The following CACNA1S variants were observed in gnomAD, a reference collection of about 807,000 sequenced individuals.
The protein encoded by CACNA1S is voltage-dependent L-type calcium channel subunit alpha-1S.
A neutral mutation model predicts 207.4 loss-of-function variants in CACNA1S; 126 were observed. That is an observed-to-expected ratio of 0.61 (90% CI 0.53 to 0.70). The LOEUF (loss-of-function observed/expected upper bound fraction) is 0.70, where lower values mean the gene tolerates loss of function less well. Among genes scored for constraint, CACNA1S ranks in the 30% least tolerant of loss-of-function variants. The pLI is 0.00. For missense variants in CACNA1S, 2,349 were observed against 2,422.8 expected (o/e 0.97, Z 0.64); for synonymous variants, 960 against 932.7 (o/e 1.03, Z -0.53).
chr1:201,111,420 C>G (rs1415827523), intron 1 of CACNA1S, among the ~76,000 whole-genome samples: 1 of 152,018 alleles, frequency 6.6e-6, no homozygotes, highest in Non-Finnish European at 1.5e-5. Context: ...CCCCAAATAA[C>G]CCAGATATTT....
intron 3 of CACNA1S, among the ~76,000 whole-genome samples, chr1:201,093,485 G>A (rs1293805785): frequency 1.3e-5 from 2 of 152,176 alleles, no homozygotes; most frequent in Admixed American, 6.5e-5. Context: ...ATAAATGTCC[G>A]TTTTTGTGAA....
At chr1:201,063,963 T>C (rs547721895) in intron 22 of CACNA1S, among the ~76,000 whole-genome samples, 46 of 152,294 alleles carry the variant, frequency 3.0e-4, no homozygotes, top group Middle Eastern at 6.8e-3. Flanking sequence ...AAAAGCGACA[T>C]CAAATGCCAA....
intron 15 of CACNA1S, 52 bp from the exon 16 acceptor site, chr1:201,072,876 C>A (rs1334629754): frequency 1.4e-6 from 2 of 1,410,380 alleles, no homozygotes; most frequent in Admixed American, 3.4e-5. Flanking sequence ...TTGCGGTTTC[C>A]CCTCAATGAG....
chr1:201,066,962 C>T lies in CACNA1S; in HGVS notation c.2582G>A (p.Gly861Asp). The change falls in exon 20 of 44, where the codon GGT becomes GAT. Residue 861 changes from glycine (G) to aspartate (D), a missense_variant. Coordinates refer to ENST00000362061, the MANE Select transcript of CACNA1S (RefSeq NM_000069.3). This position sits in a 1 kb window ranked among gnomAD's most constrained non-coding sequence, Gnocchi z 4.3. ...MTTYGAFLHK[G>D]SFCRNYFNML... is the part of the protein sequence containing the mutation. The stretch of plus-strand genomic sequence containing the variant: ...GTTGAAGTAATTGCGGCAGAAGGAA[C>T]CCTTGTGCAGGAAGGCTCCGTAGGT... The T allele has an allele frequency of 1.2e-6, 2 of 1,614,072 alleles. No homozygotes were observed. Among genetic ancestry groups the T allele is most frequent in the Non-Finnish European group, 1.7e-6 (2 of 1,179,888 alleles).
rs768948072 is a variant in CACNA1S at position 201,059,170 on chromosome 1, C to G, written c.3525+19G>C. 1.6e-5 allele frequency: 25 copies of G among 1,519,884 alleles called. No individual in the cohort carries two copies. Among genetic ancestry groups the G allele is most frequent in the Non-Finnish European group, 2.1e-5 (23 of 1,094,646 alleles). 94.1% of individuals were successfully genotyped at this position (1,519,884 alleles called of 1,614,324 possible). A position where few individuals can be genotyped will look rare whatever the true frequency, so the allele number is the denominator to read the frequency against. On this transcript the variant is annotated intron_variant, in intron 27 of 43. Transcript: ENST00000362061. ...ACCAGCCCCAGCTTCTCATCTGGCCCGGTGGCCCCCACACTCACCCTGGCC... is the reference window on the plus strand; with the variant it reads ...ACCAGCCCCAGCTTCTCATCTGGCCGGGTGGCCCCCACACTCACCCTGGCC...
At chr1:201,112,068 C>T (rs1269309468) in intron 1 of CACNA1S, 120 bp downstream of exon 1, 2 of 950,828 alleles carry the variant, frequency 2.1e-6, no homozygotes, top group East Asian at 2.6e-5. Flanking sequence ...TGTGAGTTCA[C>T]CCCATGTCTA....
intron 22 of CACNA1S, among the ~76,000 whole-genome samples, chr1:201,063,270 T>A (rs1661133470): frequency 6.6e-6 from 1 of 151,900 alleles, no homozygotes; most frequent in Non-Finnish European, 1.5e-5. Context: ...CTGAGCAACA[T>A]GTTTGAAGGA....
In CACNA1S at chr1:201,053,967, G is replaced by A. The variant is rs1162320350; in HGVS notation, c.3667-380C>T. ...TCGAGGACCCTGGTGGCCCTCCTAG[G>A]GCTCCTCCCCTGGCGTCCTCCCAGT... On this transcript the variant is annotated intron_variant, in intron 29 of 43. Coordinates refer to ENST00000362061, the MANE Select transcript of CACNA1S (RefSeq NM_000069.3). The surrounding 1 kb of genome is among the most constrained non-coding windows in gnomAD (Gnocchi z 5.1). Among the ~76,000 whole-genome samples the A allele has an allele frequency of 2.6e-5, 4 of 152,066 alleles. No homozygotes were observed. The East Asian group carries it at 7.7e-4, about 29-fold the overall frequency.
At position 201,078,106 on chromosome 1, in the gene CACNA1S, T is replaced by C. The variant is rs999219368; in HGVS notation, c.1394-2A>G. On this transcript the variant is annotated splice_acceptor_variant, in intron 10 of 43. Transcript: ENST00000362061. LOFTEE classifies it high-confidence loss of function. ...ACAGCAGCACCCGGTTGGCAATGTC[T>C]GTAGGGTTGGTGGCACAGCCCCGGC... 1 of 1,612,104 alleles carries C rather than the reference T, an allele frequency of 6.2e-7. No homozygotes were observed. The highest frequency in any genetic ancestry group is 1.3e-5 in the African/African-American group (1 of 74,888).
At chr1:201,086,211 G>C (rs751435079) in intron 7 of CACNA1S, among the ~76,000 whole-genome samples, 7 of 152,254 alleles carry the variant, frequency 4.6e-5, no homozygotes, top group Non-Finnish European at 1.0e-4. Context: ...AGGGCAGGTC[G>C]AGTTGCCCTG....
chr1:201,048,137 A>T (rs1321072116), intron 36 of CACNA1S, among the ~76,000 whole-genome samples: 2 of 152,172 alleles, frequency 1.3e-5, no homozygotes, highest in African/African-American at 4.8e-5. Flanking sequence ...GGGCTCAGAG[A>T]CAATACTGAG....
intron 6 of CACNA1S, 113 bp downstream of exon 6, chr1:201,089,145 T>C: frequency 1.1e-6 from 1 of 936,106 alleles, no homozygotes; most frequent in East Asian, 2.6e-5. Flanking sequence ...GGAGCTGTGG[T>C]CACGCAAGTC....
chr1:201,044,133 A>G (rs1660390184), intron 39 of CACNA1S, among the ~76,000 whole-genome samples, 195 bp downstream of exon 39: 1 of 151,100 alleles, frequency 6.6e-6, no homozygotes, highest in South Asian at 2.1e-4. Context: ...AGTGTGTTGC[A>G]TTTGACACCT....
rs145910245 is a variant in CACNA1S, at chr1:201,051,037, T to G, written c.4060A>C (p.Thr1354Pro). ...ATGAAGTAGTAGTATGCAAAGTTGG[T>G]GCCACATGTGTACTCCTCCCCTGGG... ...YAPGEEYTCG[T>P]NFAYYYFISF... Residue 1354 changes from threonine to proline, a missense_variant, in exon 33 of 44, where the codon ACC becomes CCC. Physicochemically the swap from Thr to Pro is conservative, Grantham distance 38. Transcript: ENST00000362061. The G allele has an allele frequency of 2.5e-6, 4 of 1,614,234 alleles. No homozygotes were observed. The Admixed American group carries it at 6.7e-5, about 27-fold the overall frequency.
intron 38 of CACNA1S, among the ~76,000 whole-genome samples, chr1:201,046,695 G>A (rs1489193526): frequency 1.3e-5 from 2 of 150,982 alleles, no homozygotes; most frequent in African/African-American, 4.9e-5. Context: ...CGCCACACCT[G>A]ACTAATTTTT....
chr1:201,112,390 C>T lies in CACNA1S; in HGVS notation c.-51G>A, dbSNP rs1357150405. ...CCTGCTCCCCCACCCCAGTGCTTTCCCTTCCCTGTGTCCCCAATGCCCCCG... is the reference window on the plus strand; with the variant it reads ...CCTGCTCCCCCACCCCAGTGCTTTCTCTTCCCTGTGTCCCCAATGCCCCCG... On this transcript the variant is annotated 5_prime_UTR_variant, in exon 1 of 44. Transcript: ENST00000362061. The T allele has an allele frequency of 1.2e-6, 2 of 1,612,480 alleles. No individual in the cohort carries two copies. The highest frequency in any genetic ancestry group is 3.3e-5 in the Admixed American group (2 of 60,012).
intron 39 of CACNA1S, among the ~76,000 whole-genome samples, chr1:201,043,876 T>C (rs1281524392): frequency 1.3e-5 from 2 of 151,932 alleles, no homozygotes; most frequent in Non-Finnish European, 2.9e-5. Flanking sequence ...ATTGGACATC[T>C]CACATGATCT....
Position 201,039,531 on chromosome 1 carries a change from G to A in CACNA1S, c.*300C>T. 1 of 504,040 alleles carries A rather than the reference G, an allele frequency of 2.0e-6. No individual in the cohort carries two copies. The highest frequency in any genetic ancestry group is 3.6e-6 in the Non-Finnish European group (1 of 277,602). 31.2% of individuals were successfully genotyped at this position (504,040 alleles called of 1,614,324 possible). On this transcript the variant is annotated 3_prime_UTR_variant, in exon 44 of 44. Transcript: ENST00000362061. ...GGCCAGTTGCCAGTGTCACAGGCCT[G>A]GAGATTTTAATGTCCTGCAGGTGGG...
intron 28 of CACNA1S, 68 bp from the exon 29 acceptor site, chr1:201,054,629 G>T: frequency 7.4e-7 from 1 of 1,343,864 alleles, no homozygotes; most frequent in Non-Finnish European, 1.0e-6. Flanking sequence ...GTGGGAGGGA[G>T]GTGAAGAGAC....
Sources: gnomAD v4.1 joint callset for allele counts (sites outside exome capture counted in the v4.1 genomes callset) on GRCh38, gnomAD v4.1.1 for gene constraint, Gnocchi (gnomAD v3.1) non-coding constraint, MANE v1.5 for transcripts, NCBI Gene and HGNC (gene_info 2026-07-23, HGNC 2026-07-21) for gene names.